DENND5B: variants seen among roughly 807,000 people sequenced by gnomAD.
The protein encoded by DENND5B is DENN domain containing 5B.
In DENND5B, 34 loss-of-function variants were observed where a neutral mutation model predicts 140.6. The ratio of observed to expected loss-of-function variants is 0.24; its 90% confidence interval spans 0.18 to 0.32. The LOEUF (loss-of-function observed/expected upper bound fraction) is 0.32, where lower values mean the gene tolerates loss of function less well. Ranked by LOEUF, DENND5B falls within the 10% of genes least tolerant of loss-of-function variation. The pLI, the probability that DENND5B is intolerant of heterozygous loss-of-function variation, is 1.00. For missense variants in DENND5B, 1,142 were observed against 1,560.2 expected (o/e 0.73, Z 4.52); for synonymous variants, 551 against 562.1 (o/e 0.98, Z 0.28).
At chr12:31,485,974 G>C (rs970192264) in intron 2 of DENND5B, among the ~76,000 whole-genome samples, 1 of 152,190 alleles carries the variant, frequency 6.6e-6, no homozygotes, top group Non-Finnish European at 1.5e-5. Flanking sequence ...CTAACACCAA[G>C]TAGAATACAG....
intron 8 of DENND5B, chr12:31,431,955 G>A (rs1217362422): frequency 3.3e-6 from 2 of 603,782 alleles, no homozygotes; most frequent in African/African-American, 4.0e-5. Context: ...CTAGAGCTAT[G>A]TGCACTCACA....
At chr12:31,402,451 AACT>A in intron 15 of DENND5B, 44 bp downstream of exon 15, 1 of 1,567,672 alleles carries the variant, frequency 6.4e-7, no homozygotes, top group Non-Finnish European at 8.6e-7. Flanking sequence ...TCATCTGTAA[AACT>A]ACACGTGATA....
At chr12:31,535,837 A>G (rs1565673378) in intron 1 of DENND5B, among the ~76,000 whole-genome samples, 2 of 152,206 alleles carry the variant, frequency 1.3e-5, no homozygotes, top group African/African-American at 4.8e-5. Context: ...AGAAACAGAG[A>G]TATGTGACTG....
intron 1 of DENND5B, among the ~76,000 whole-genome samples, chr12:31,550,062 T>A (rs967279545): frequency 6.6e-6 from 1 of 152,010 alleles, no homozygotes; most frequent in African/African-American, 2.4e-5. Context: ...TCTTTTTTTT[T>A]TAAATTTTAT....
intron 5 of DENND5B, among the ~76,000 whole-genome samples, chr12:31,449,729 TAG>T (rs1491312712): frequency 5.9e-5 from 4 of 67,334 alleles, no homozygotes; most frequent in African/African-American, 1.4e-4. Flanking sequence ...ATACACAGAT[TAG>T]TTTTTTTTTT....
Position 31,399,838 on chromosome 12 carries a change from G to A in DENND5B, c.2950-66C>T, listed in dbSNP as rs534051430. ...ATCCTGTTACATCTCAGCTTTACAG[G>A]TACTTTGGTTCCGTCTAATTTAACA... On this transcript the variant is annotated intron_variant, in intron 15 of 20. Coordinates refer to ENST00000389082, the MANE Select transcript of DENND5B (RefSeq NM_144973.4). 1.2e-4 allele frequency: 149 copies of A among 1,276,666 alleles called. 2 individuals are homozygous for A. In the African/African-American group the frequency reaches 2.0e-3, roughly 18 times the overall value. The allele number at this position is 1,276,666 out of a possible 1,614,324, so 79.1% of individuals were successfully genotyped here. A position where few individuals can be genotyped will look rare whatever the true frequency, so the allele number is the denominator to read the frequency against.
At position 31,383,282 on chromosome 12, in the gene DENND5B, T is replaced by C. The variant is rs911009114; in HGVS notation, c.*4321A>G. ...GTGAAATAAATATTTCCCTGGAAAT[T>C]TGAGGTCCTTGTCTGTCACCTCATG... On this transcript the variant is annotated 3_prime_UTR_variant, in exon 21 of 21. Coordinates refer to ENST00000389082, the MANE Select transcript of DENND5B (RefSeq NM_144973.4). 2.0e-5 allele frequency: 3 copies of C among 152,200 alleles called. No individual in the cohort carries two copies. The highest frequency in any genetic ancestry group is 2.9e-5 in the Non-Finnish European group (2 of 68,028). 9.4% of individuals were successfully genotyped at this position (152,200 alleles called of 1,614,324 possible).
At chr12:31,454,338 T>C (rs541245697) in intron 4 of DENND5B, among the ~76,000 whole-genome samples, 1 of 152,318 alleles carries the variant, frequency 6.6e-6, no homozygotes, top group South Asian at 2.1e-4. Flanking sequence ...GCTTATGGCC[T>C]TTCCCTGCTA....
At position 31,396,056 on chromosome 12, in the gene DENND5B, G is replaced by GTTTTTTTT. The variant is rs34089984; in HGVS notation, c.3256+2111_3256+2118dup. ...CTTCTGGTGGCTGTTGGCATTCCTT[G>GTTTTTTTT]TTTTTTTTTTTTTTTTTTTTTTGAG... On this transcript the variant is annotated intron_variant, in intron 17 of 20. Transcript: ENST00000389082. 5.3e-4 allele frequency among the ~76,000 whole-genome samples: 60 copies of GTTTTTTTT among 112,262 alleles called. 1 individual carries two copies. Among genetic ancestry groups the GTTTTTTTT allele is most frequent in the East Asian group, 8.3e-4 (3 of 3,618 alleles). The allele number at this position is 112,262 out of a possible 152,430, so 73.6% of individuals were successfully genotyped here. A position where few individuals can be genotyped will look rare whatever the true frequency, so the allele number is the denominator to read the frequency against.
chr12:31,462,085 T>A (rs1257623226), intron 3 of DENND5B, among the ~76,000 whole-genome samples: 2 of 152,168 alleles, frequency 1.3e-5, no homozygotes, highest in African/African-American at 4.8e-5. Context: ...AAAATCTGTT[T>A]ATAGGAATAA....
chr12:31,507,579 G>A (rs550046397), intron 1 of DENND5B, among the ~76,000 whole-genome samples: 1 of 152,096 alleles, frequency 6.6e-6, no homozygotes, highest in Admixed American at 6.6e-5. Flanking sequence ...CAAAGTTTTT[G>A]ATCCTAGCCC....
intron 8 of DENND5B, among the ~76,000 whole-genome samples, chr12:31,429,935 G>A (rs962852295): frequency 2.0e-5 from 3 of 152,024 alleles, no homozygotes; most frequent in Non-Finnish European, 2.9e-5. Flanking sequence ...TCGAACTCCC[G>A]ATCTCAAATG....
At chr12:31,561,178 A>T (rs994932122) in intron 1 of DENND5B, among the ~76,000 whole-genome samples, 1 of 152,228 alleles carries the variant, frequency 6.6e-6, no homozygotes. Flanking sequence ...AGTCACAGAT[A>T]CACAGCTGCA....
At chr12:31,481,940 G>C (rs1946087687) in intron 2 of DENND5B, among the ~76,000 whole-genome samples, 1 of 152,200 alleles carries the variant, frequency 6.6e-6, no homozygotes, top group Non-Finnish European at 1.5e-5. Flanking sequence ...GAGAGGGCCA[G>C]TGTCCCTTCT....
At chr12:31,464,599 C>T (rs1407540517) in intron 3 of DENND5B, among the ~76,000 whole-genome samples, 1 of 152,130 alleles carries the variant, frequency 6.6e-6, no homozygotes, top group African/African-American at 2.4e-5. Flanking sequence ...CTCACTCTCT[C>T]GTCCAGGCTG....
intron 1 of DENND5B, among the ~76,000 whole-genome samples, chr12:31,510,130 C>A (rs1427320985): frequency 2.6e-5 from 4 of 152,096 alleles, no homozygotes; most frequent in African/African-American, 9.7e-5. Flanking sequence ...TTTTCTATTG[C>A]CCCAAGTTAT....
At chr12:31,493,464 C>A (rs1946610750) in intron 2 of DENND5B, among the ~76,000 whole-genome samples, 2 of 152,102 alleles carry the variant, frequency 1.3e-5, no homozygotes, top group South Asian at 4.1e-4. Flanking sequence ...GAGGCTGAGG[C>A]GGGTGGATCA....
chr12:31,559,339 T>C (rs1949398858), intron 1 of DENND5B, among the ~76,000 whole-genome samples: 1 of 152,194 alleles, frequency 6.6e-6, no homozygotes, highest in Non-Finnish European at 1.5e-5. Context: ...TATGCCATAT[T>C]ATAGTCCAGA....
chr12:31,488,195 T>C (rs1946385553), intron 2 of DENND5B, among the ~76,000 whole-genome samples: 2 of 151,596 alleles, frequency 1.3e-5, no homozygotes, highest in South Asian at 2.1e-4. Context: ...AGGCTGGTCT[T>C]GAACTTCTGG....
Sources: allele counts gnomAD v4.1 joint callset (sites outside exome capture counted in the v4.1 genomes callset), GRCh38; gene constraint gnomAD v4.1.1; transcripts MANE v1.5; gene names NCBI Gene and HGNC (gene_info 2026-07-23, HGNC 2026-07-21).